Variants in SV2C observed in about 807,000 individuals in gnomAD.
The protein encoded by SV2C is solute carrier family 22 member B3.
Under a neutral mutation model 79.7 loss-of-function variants are expected in SV2C, and 49 were observed. The ratio of observed to expected loss-of-function variants is 0.61; its 90% CI spans 0.49 to 0.78. SV2C has a LOEUF of 0.78. SV2C is among the 30% of genes least tolerant of loss of function. The pLI is 0.00. For missense variants in SV2C, 833 were observed against 912.9 expected (o/e 0.91, Z 1.13); for synonymous variants, 334 against 333.2 (o/e 1.00, Z -0.03).
rs1160491095 is a variant in SV2C, at chr5:76,131,923, A to G, written c.173A>G (p.Tyr58Cys). ...RFQDEEDDDD[Y>C]YPAGETYNGE... ...CAAGATGAAGAAGATGATGATGACT[A>G]CTACCCGGCTGGAGAAACCTATAAT... Residue 58 changes from tyrosine to cysteine, a missense_variant, in exon 2 of 13, where the codon TAC becomes TGC. Tyr to Cys is a radical substitution (Grantham distance 194). Coordinates refer to ENST00000502798, the MANE Select transcript of SV2C (RefSeq NM_014979.4). 1.2e-6 allele frequency: 2 copies of G among 1,614,106 alleles called. No individual in the cohort carries two copies. Among genetic ancestry groups the G allele is most frequent in the African/African-American group, 2.7e-5 (2 of 75,048 alleles).
At chr5:75,989,613 T>C in the SV2C span, among the ~76,000 whole-genome samples, 2 of 152,112 alleles carry the variant, frequency 1.3e-5, no homozygotes, top group African/African-American at 2.4e-5. Context: ...TGTGTCTTTA[T>C]AGTAGAATGA....
chr5:76,219,746 G>A (rs1282255314), intron 4 of SV2C, among the ~76,000 whole-genome samples: 3 of 152,134 alleles, frequency 2.0e-5, no homozygotes, highest in Admixed American at 6.5e-5. Flanking sequence ...CCAGATCTGG[G>A]AAACACTTTT....
the SV2C span, among the ~76,000 whole-genome samples, chr5:75,973,328 TAATAA>T: frequency 1.3e-5 from 2 of 149,458 alleles, no homozygotes; most frequent in Non-Finnish European, 3.0e-5. Flanking sequence ...AGTATAATAA[TAATAA>T]AATAAAAAAA....
intron 2 of SV2C, among the ~76,000 whole-genome samples, chr5:76,169,965 G>A (rs1580324004): frequency 6.7e-6 from 1 of 149,468 alleles, no homozygotes; most frequent in Non-Finnish European, 1.5e-5. Flanking sequence ...ATACAAGAAA[G>A]ATATTGGTAA....
At chr5:76,277,755 C>CAA (rs35556822) in intron 4 of SV2C, among the ~76,000 whole-genome samples, 16,262 of 108,096 alleles carry the variant, frequency 0.15, 1,074 homozygotes, top group African/African-American at 0.22. Flanking sequence ...AGACCTGTCT[C>CAA]AAAAAAAAAA....
chr5:76,048,521 C>T, the SV2C span, among the ~76,000 whole-genome samples: 1 of 152,176 alleles, frequency 6.6e-6, no homozygotes, highest in Non-Finnish European at 1.5e-5. Flanking sequence ...GCTATCTGGG[C>T]ATCTCTTAGC....
the SV2C span, among the ~76,000 whole-genome samples, chr5:75,933,709 G>A: frequency 6.6e-6 from 1 of 152,194 alleles, no homozygotes; most frequent in African/African-American, 2.4e-5. Flanking sequence ...GCCAACTGCT[G>A]CCATGCCTTC....
the SV2C span, among the ~76,000 whole-genome samples, chr5:75,982,194 A>G: frequency 6.7e-6 from 1 of 149,386 alleles, no homozygotes; most frequent in African/African-American, 2.5e-5. Flanking sequence ...ACTAACCTGC[A>G]CAATGTGCAC....
the SV2C span, among the ~76,000 whole-genome samples, chr5:75,960,386 T>C: frequency 2.0e-5 from 3 of 152,002 alleles, no homozygotes. Context: ...CATAAGATTA[T>C]AATGGAGCTG....
the SV2C span, among the ~76,000 whole-genome samples, chr5:75,971,964 G>C: frequency 6.6e-6 from 1 of 152,060 alleles, no homozygotes. Context: ...CATGGTACTG[G>C]TACCAAAACA....
chr5:76,223,224 G>A (rs1745124071), intron 4 of SV2C, among the ~76,000 whole-genome samples: 1 of 151,794 alleles, frequency 6.6e-6, no homozygotes, highest in Admixed American at 6.6e-5. Context: ...GATTGCTTGA[G>A]GCCAGGAGTT....
chr5:76,115,189 G>C (rs1247093641), intron 1 of SV2C, among the ~76,000 whole-genome samples: 1 of 152,188 alleles, frequency 6.6e-6, no homozygotes. Context: ...GTCCCACTGA[G>C]GTAGTATATG....
the SV2C span, among the ~76,000 whole-genome samples, chr5:76,038,875 A>G: frequency 2.0e-5 from 3 of 152,246 alleles, no homozygotes; most frequent in Non-Finnish European, 2.9e-5. Flanking sequence ...AATCAAGTCA[A>G]TATGCACCTT....
At chr5:76,215,758 C>A (rs1744893041) in intron 4 of SV2C, among the ~76,000 whole-genome samples, 1 of 152,208 alleles carries the variant, frequency 6.6e-6, no homozygotes, top group Non-Finnish European at 1.5e-5. Flanking sequence ...GAGCCAGGAC[C>A]TCAGCCTTCT....
At chr5:76,048,220 A>G in the SV2C span, among the ~76,000 whole-genome samples, 34 of 152,336 alleles carry the variant, frequency 2.2e-4, no homozygotes, top group African/African-American at 7.7e-4. Flanking sequence ...ATAATCTGCT[A>G]TCTGCAAACT....
chr5:76,198,876 T>G (rs1352918141), intron 3 of SV2C, among the ~76,000 whole-genome samples: 1 of 152,186 alleles, frequency 6.6e-6, no homozygotes, highest in Non-Finnish European at 1.5e-5. Flanking sequence ...AGGACTTTCA[T>G]GGATATAGCT....
At chr5:76,152,616 T>A (rs1749638576) in intron 2 of SV2C, among the ~76,000 whole-genome samples, 1 of 152,202 alleles carries the variant, frequency 6.6e-6, no homozygotes, top group South Asian at 2.1e-4. Flanking sequence ...AATTATAATG[T>A]GGTACAGAAT....
At chr5:76,023,888 C>T in the SV2C span, among the ~76,000 whole-genome samples, 1 of 151,348 alleles carries the variant, frequency 6.6e-6, no homozygotes, top group African/African-American at 2.4e-5. Flanking sequence ...TGGGGTGGGT[C>T]TCCCATGCCT....
chr5:76,171,614 G>A (rs1240538277), intron 2 of SV2C, among the ~76,000 whole-genome samples: 1 of 146,292 alleles, frequency 6.8e-6, no homozygotes, highest in South Asian at 2.2e-4. Flanking sequence ...GAGGTGGGGG[G>A]GGGGTCAGCC....
Sources: allele counts gnomAD v4.1 joint callset (sites outside exome capture counted in the v4.1 genomes callset), GRCh38; gene constraint gnomAD v4.1.1; transcripts MANE v1.5; gene names NCBI Gene and HGNC (gene_info 2026-07-23, HGNC 2026-07-21).